The following SCP2 variants were observed in gnomAD, a reference collection of about 807,000 sequenced individuals.
The protein encoded by SCP2 is SCP-2/3-oxoacyl-CoA thiolase.
SCP2 carries 48 observed loss-of-function variants against 71.4 expected under a neutral mutation model. The observed-to-expected ratio is 0.67, with a 90% CI of 0.53 to 0.86. The LOEUF (loss-of-function observed/expected upper bound fraction) is 0.86, where lower values mean the gene tolerates loss of function less well. Ranked by LOEUF, SCP2 falls within the 40% of genes least tolerant of loss-of-function variation. The probability of loss-of-function intolerance (pLI) is 0.00; values close to 1 mark genes in which losing one functional copy is unlikely to be tolerated. For synonymous variants in SCP2, 220 were observed against 218.1 expected, an observed-to-expected ratio of 1.01 and a Z score of -0.08; for missense variants, 560 against 655.6, an observed-to-expected ratio of 0.85 and a Z score of 1.59.
chr1:53,011,975 T>A (rs1384515480), intron 11 of SCP2, among the ~76,000 whole-genome samples: 1 of 152,156 alleles, frequency 6.6e-6, no homozygotes, highest in East Asian at 1.9e-4. Context: ...TGGCCTCCTG[T>A]CTCTCAGTCC....
chr1:52,984,167 G>A lies in SCP2; in HGVS notation c.973+3624G>A, dbSNP rs78433497. 4.0e-3 allele frequency among the ~76,000 whole-genome samples: 615 copies of A among 152,232 alleles called. 4 individuals are homozygous for A. The highest frequency in any genetic ancestry group is 0.014 in the African/African-American group (592 of 41,518). On this transcript the variant is annotated intron_variant, in intron 10 of 15. Transcript: ENST00000371514. ...GAGATTTCTTTTCCTAGTTCCTTTG[G>A]TTAGGAAGATGGGGTTTCTGTTAGA...
At position 52,961,539 on chromosome 1, in the gene SCP2, G is replaced by C. The variant is rs768389997; in HGVS notation, c.433G>C (p.Asp145His). Reference sequence around the variant, plus strand: ...AACCATTCCCACTGATAAGCATGTTGACCTCCTGATCAATAAGTATGGATT... The same window carrying C: ...AACCATTCCCACTGATAAGCATGTTCACCTCCTGATCAATAAGTATGGATT... ...DRTIPTDKHVDLLINKYGLSA... is the reference protein window; with the variant it reads ...DRTIPTDKHVHLLINKYGLSA... The change falls in exon 6 of 16, where the codon GAC becomes CAC. Residue 145 changes from aspartate (D) to histidine (H), a missense_variant. Around this residue, in one of 3 missense-constraint regions of SCP2, gnomAD observed 513 missense variants for 573.1 expected, o/e 0.90. Coordinates refer to ENST00000371514, the MANE Select transcript of SCP2 (RefSeq NM_002979.5). 2 of 1,613,768 alleles carry C rather than the reference G, an allele frequency of 1.2e-6. No homozygotes were observed. The highest frequency in any genetic ancestry group is 3.3e-5 in the Admixed American group (2 of 60,014).
chr1:52,982,337 A>G lies in SCP2; in HGVS notation c.973+1794A>G, dbSNP rs573685116. Reference sequence around the variant, plus strand: ...TATAATCCCAGCACTTTGGGAGGCCAAGGCGGGCAGATAACGAGGTCAGGA... The same window carrying G: ...TATAATCCCAGCACTTTGGGAGGCCGAGGCGGGCAGATAACGAGGTCAGGA... On this transcript the variant is annotated intron_variant, in intron 10 of 15. Transcript: ENST00000371514. 7.9e-5 allele frequency among the ~76,000 whole-genome samples: 12 copies of G among 152,280 alleles called. No homozygotes were observed. In the South Asian group the frequency reaches 1.2e-3, roughly 16 times the overall value.
intron 1 of SCP2, among the ~76,000 whole-genome samples, chr1:52,929,853 G>T (rs1174693665): frequency 6.6e-6 from 1 of 152,296 alleles, no homozygotes; most frequent in Middle Eastern, 3.4e-3. Flanking sequence ...TTAACCTCCA[G>T]ATCTCGTGAT....
chr1:52,960,622 GTA>G (rs1434659856), intron 5 of SCP2, among the ~76,000 whole-genome samples: 1 of 144,326 alleles, frequency 6.9e-6, no homozygotes, highest in Non-Finnish European at 1.5e-5. Flanking sequence ...ATGTATATAT[GTA>G]TGTATATATG....
At chr1:52,966,916 G>A (rs1220382250) in intron 6 of SCP2, among the ~76,000 whole-genome samples, 2 of 151,444 alleles carry the variant, frequency 1.3e-5, no homozygotes, top group Non-Finnish European at 2.9e-5. Flanking sequence ...AGCCACGCAC[G>A]ATGGCTCATG....
chr1:52,934,418 G>A (rs1434098705), intron 1 of SCP2, among the ~76,000 whole-genome samples: 1 of 151,318 alleles, frequency 6.6e-6, no homozygotes, highest in Non-Finnish European at 1.5e-5. Flanking sequence ...TCATGGAGCC[G>A]ATATTTTTCC....
chr1:52,939,609 A>T (rs543264076), intron 1 of SCP2, among the ~76,000 whole-genome samples: 1 of 152,158 alleles, frequency 6.6e-6, no homozygotes, highest in Non-Finnish European at 1.5e-5. Flanking sequence ...TAAGTTTTCA[A>T]CTCCTTTGGG....
intron 2 of SCP2, among the ~76,000 whole-genome samples, chr1:52,942,495 C>T (rs558531295): frequency 6.6e-6 from 1 of 152,110 alleles, no homozygotes; most frequent in East Asian, 1.9e-4. Flanking sequence ...CATCTGGCTG[C>T]ACTGTGGGTC....
intron 4 of SCP2, among the ~76,000 whole-genome samples, chr1:52,953,060 C>CTTTTTT (rs570429324): frequency 7.7e-5 from 8 of 103,666 alleles, no homozygotes; most frequent in East Asian, 2.7e-4. Flanking sequence ...GCAATTCTGT[C>CTTTTTT]TTTTTTTTTT....
chr1:53,048,779 T>C (rs1017807621), intron 15 of SCP2: 4 of 152,386 alleles, frequency 2.6e-5, no homozygotes, highest in African/African-American at 9.6e-5. Flanking sequence ...CTTAGGCTCT[T>C]CAGCTGCAGT....
At chr1:53,017,986 C>T (rs1661452991) in intron 12 of SCP2, among the ~76,000 whole-genome samples, 1 of 152,162 alleles carries the variant, frequency 6.6e-6, no homozygotes, top group African/African-American at 2.4e-5. Flanking sequence ...TCCCAAGTAG[C>T]TGGGATTACA....
chr1:52,994,618 G>T (rs1659791664), intron 11 of SCP2: 2 of 425,188 alleles, frequency 4.7e-6, no homozygotes, highest in South Asian at 2.1e-5. Context: ...TAGCCTCTGG[G>T]GTGCATTCCA....
At chr1:52,981,913 A>G (rs1212395162) in intron 10 of SCP2, among the ~76,000 whole-genome samples, 1 of 152,076 alleles carries the variant, frequency 6.6e-6, no homozygotes, top group East Asian at 1.9e-4. Context: ...TAGGTTGGTC[A>G]TTTAATTATC....
Position 52,980,481 on chromosome 1 carries a change from T to G in SCP2, c.911T>G (p.Leu304Arg). The G allele has an allele frequency of 6.2e-7, 1 of 1,613,984 alleles. No individual in the cohort carries two copies. Among genetic ancestry groups the G allele is most frequent in the Non-Finnish European group, 8.5e-7 (1 of 1,179,836 alleles). Residue 304 changes from leucine to arginine, a missense_variant, in exon 10 of 16, where the codon CTT becomes CGT. Transcript: ENST00000371514. ...CCAAATGATATTGACGTAATAGAACTTCACGATTGCTTTTCTACCAACGAA... is the reference window on the plus strand; with the variant it reads ...CCAAATGATATTGACGTAATAGAACGTCACGATTGCTTTTCTACCAACGAA... ...LTPNDIDVIE[L>R]HDCFSTNELL...
chr1:52,989,371 T>TG (rs1455859407), intron 11 of SCP2, among the ~76,000 whole-genome samples: 4 of 151,982 alleles, frequency 2.6e-5, no homozygotes, highest in Non-Finnish European at 5.9e-5. Context: ...GGAGTGGAGG[T>TG]GGGGGGTGCT....
chr1:52,994,182 A>T lies in SCP2; in HGVS notation c.1081+6046A>T, dbSNP rs948677193. ...CAGTGTTGATTTTGTTGCTAATGGG[A>T]CATGGAGATGTCTGGATGATAATAA... On this transcript the variant is annotated intron_variant, in intron 11 of 15. Coordinates refer to ENST00000371514, the MANE Select transcript of SCP2 (RefSeq NM_002979.5). 7.7e-6 allele frequency: 8 copies of T among 1,037,204 alleles called. No homozygotes were observed. In the African/African-American group the frequency reaches 1.4e-4, roughly 18 times the overall value. The allele number at this position is 1,037,204 out of a possible 1,614,324, so 64.3% of individuals were successfully genotyped here.
Position 53,050,742 on chromosome 1 carries a change from A to G in SCP2, c.*38A>G, listed in dbSNP as rs1664151619. ...GGCTACTTTTGAAAATCAAGATGAG[A>G]TATATAGATATATATCCATACATTT... On this transcript the variant is annotated 3_prime_UTR_variant, in exon 16 of 16. Transcript: ENST00000371514. 8.3e-7 allele frequency: 1 copy of G among 1,209,072 alleles called. No homozygotes were observed. Among genetic ancestry groups the G allele is most frequent in the African/African-American group, 1.5e-5 (1 of 66,662 alleles). 74.9% of individuals were successfully genotyped at this position (1,209,072 alleles called of 1,614,324 possible).
chr1:52,961,655 G>T, intron 6 of SCP2, 26 bp downstream of exon 6: 1 of 1,600,572 alleles, frequency 6.2e-7, no homozygotes, highest in African/African-American at 1.3e-5. Context: ...AAAACTTTGA[G>T]GCTTCTTACT....
Sources: gnomAD v4.1 joint callset for allele counts (sites outside exome capture counted in the v4.1 genomes callset) on GRCh38, gnomAD v4.1.1 for gene constraint, gnomAD v4.1.1 regional missense constraint, MANE v1.5 for transcripts, NCBI Gene and HGNC (gene_info 2026-07-23, HGNC 2026-07-21) for gene names.